SPTBN5: variants seen among roughly 807,000 people sequenced by gnomAD.
SPTBN5 encodes spectrin beta chain, non-erythrocytic 5.
SPTBN5 carries 513 observed loss-of-function variants against 477.6 expected under a neutral mutation model. The ratio of observed to expected loss-of-function variants is 1.07; its 90% confidence interval spans 1.00 to 1.16. The LOEUF is 1.16. SPTBN5 is among the 50% of genes most tolerant of loss of function. The pLI, the probability that SPTBN5 is intolerant of heterozygous loss-of-function variation, is 0.00. For synonymous variants in SPTBN5, 2,169 were observed against 2,011.7 expected, an observed-to-expected ratio of 1.08 and a Z score of -2.09; for missense variants, 5,062 against 4,731.8, an observed-to-expected ratio of 1.07 and a Z score of -2.05.
chr15:41,866,210 G>T lies in SPTBN5; in HGVS notation c.6650C>A (p.Ala2217Glu). Reference protein sequence around the residue: ...SVAKKGEALLAQSHPRAGEVS... With the variant: ...SVAKKGEALLEQSHPRAGEVS... ...CTCTCCGGCTCGAGGGTGACTCTGTGCCAGGAGAGCCTCTCCCTTCTGGAG... is the reference window on the plus strand; with the variant it reads ...CTCTCCGGCTCGAGGGTGACTCTGTTCCAGGAGAGCCTCTCCCTTCTGGAG... The change falls in exon 38 of 68, where the codon GCA (alanine) becomes GAA (glutamate). Residue 2217 changes from alanine (A) to glutamate (E), a missense_variant. Coordinates refer to ENST00000320955, the MANE Select transcript of SPTBN5 (RefSeq NM_016642.4). The T allele has an allele frequency of 1.3e-6, 2 of 1,589,472 alleles. No homozygotes were observed. Among genetic ancestry groups the T allele is most frequent in the Non-Finnish European group, 1.7e-6 (2 of 1,170,560 alleles).
intron 58 of SPTBN5, 67 bp downstream of exon 58, chr15:41,853,515 C>T: frequency 6.5e-7 from 1 of 1,537,134 alleles, no homozygotes; most frequent in Non-Finnish European, 8.8e-7. Context: ...GTCCAGCTCC[C>T]CCAAGAGCCA....
At chr15:41,857,538 C>T (rs1213541239) in intron 50 of SPTBN5, 35 bp downstream of exon 50, 1 of 1,603,834 alleles carries the variant, frequency 6.2e-7, no homozygotes, top group South Asian at 1.1e-5. Context: ...TGTCCTGGAG[C>T]CCGGCCAGCC....
Position 41,866,055 on chromosome 15 carries a change from CCTCTGCAAGGTCCACT to C in SPTBN5, c.6789_6804del (p.Val2264ProfsTer8). ...GGCTACACCTTCTCCTGGATCCAGG[CCTCTGCAAGGTCCACT>C]CTCTGCAGGAACTCCAGGAAGTTCC... On this transcript the variant is annotated frameshift_variant, in exon 38 of 68. Transcript: ENST00000320955. LOFTEE classifies it high-confidence loss of function. The C allele has an allele frequency of 2.6e-6, 4 of 1,555,046 alleles. No homozygotes were observed. The highest frequency in any genetic ancestry group is 3.5e-6 in the Non-Finnish European group (4 of 1,149,700).
intron 13 of SPTBN5, 128 bp downstream of exon 13, chr15:41,880,906 C>T (rs2066928007): frequency 1.2e-6 from 1 of 819,126 alleles, no homozygotes. Flanking sequence ...CTGACATCTT[C>T]TCAGCCATGA....
intron 41 of SPTBN5, among the ~76,000 whole-genome samples, chr15:41,863,348 TAC>T (rs1403275186): frequency 8.5e-5 from 13 of 152,194 alleles, no homozygotes; most frequent in Admixed American, 8.5e-4. Flanking sequence ...TGTGGTTATG[TAC>T]ACAGTCCCAG....
chr15:41,851,408 C>A (rs1175302384), intron 63 of SPTBN5, 39 bp from the exon 64 acceptor site: 1 of 1,462,358 alleles, frequency 6.8e-7, no homozygotes, highest in Non-Finnish European at 9.4e-7. Flanking sequence ...GAGCCACACG[C>A]AGGAAGCCAG....
At chr15:41,855,526 C>A (rs376447400) in intron 54 of SPTBN5, 23 bp downstream of exon 54, 1 of 1,604,314 alleles carries the variant, frequency 6.2e-7, no homozygotes, top group South Asian at 1.1e-5. Flanking sequence ...TGCTCCTTCG[C>A]GGATGGTGTG....
intron 15 of SPTBN5, 113 bp from the exon 16 acceptor site, chr15:41,879,612 C>A: frequency 6.4e-7 from 1 of 1,562,890 alleles, no homozygotes; most frequent in African/African-American, 1.3e-5. Context: ...TCCCTTGCCC[C>A]TTCCCTGTGC....
chr15:41,850,788 AGGGGCCCAGGAGCTT>A (rs1469476324), intron 66 of SPTBN5, 51 bp downstream of exon 66: 22 of 1,378,096 alleles, frequency 1.6e-5, no homozygotes, highest in Middle Eastern at 1.8e-4. Flanking sequence ...ATAAAACACT[AGGGGCCCAGGAGCTT>A]GGGGCCCAGG....
Position 41,852,175 on chromosome 15 carries a change from C to A in SPTBN5, c.10584+7G>T, listed in dbSNP as rs1182081285. ...GGGGGTGCCTGCAGCCCCATAGGGA[C>A]ACCTGCCTGGGGGTCCCTCGTCTCA... On this transcript the variant is annotated splice_region_variant and intron_variant, in intron 62 of 67. Coordinates refer to ENST00000320955, the MANE Select transcript of SPTBN5 (RefSeq NM_016642.4). The A allele has an allele frequency of 1.9e-6, 3 of 1,582,572 alleles. No individual in the cohort carries two copies. Among genetic ancestry groups the A allele is most frequent in the South Asian group, 2.3e-5 (2 of 88,200 alleles).
At chr15:41,867,425 T>C (rs8032462) in intron 35 of SPTBN5, 113 bp downstream of exon 35, 887,984 of 1,051,588 alleles carry the variant, frequency 0.84, 379,194 homozygotes, top group East Asian at 0.96. Context: ...ACCCCAGCCT[T>C]GCAGGCTCAT....
Position 41,886,292 on chromosome 15 carries a change from C to T in SPTBN5, c.963G>A (p.Trp321Ter). The T allele has an allele frequency of 1.9e-6, 3 of 1,613,370 alleles. No homozygotes were observed. Among genetic ancestry groups the T allele is most frequent in the Non-Finnish European group, 2.5e-6 (3 of 1,179,880 alleles). Reference sequence around the variant, plus strand: ...CCAGCTGCATCTGCTTCTCTGCAATCCAGCGTAGAAGGTCAGCCACCAGCT... The same window carrying T: ...CCAGCTGCATCTGCTTCTCTGCAATTCAGCGTAGAAGGTCAGCCACCAGCT... The part of the protein sequence containing the change: ...YEQLVADLLR[W>*]IAEKQMQLEA... The change falls in exon 7 of 68, where the codon TGG becomes TGA. Residue 321 changes from tryptophan to a stop codon, truncating the protein, a stop_gained. Coordinates refer to ENST00000320955, the MANE Select transcript of SPTBN5 (RefSeq NM_016642.4). LOFTEE classifies it high-confidence loss of function.
At chr15:41,859,108 T>C (rs1224802552) in intron 47 of SPTBN5, 128 bp from the exon 48 acceptor site, 6 of 652,570 alleles carry the variant, frequency 9.2e-6, no homozygotes, top group Non-Finnish European at 1.5e-5. Context: ...AAAGGTACAT[T>C]GCACTCCCCC....
chr15:41,868,717 G>A, intron 32 of SPTBN5, 116 bp from the exon 33 acceptor site: 1 of 989,024 alleles, frequency 1.0e-6, no homozygotes, highest in Non-Finnish European at 1.5e-6. Flanking sequence ...GAGCCGACCT[G>A]GGTCAGGGCC....
chr15:41,854,732 T>G, intron 56 of SPTBN5, 50 bp downstream of exon 56: 1 of 1,441,396 alleles, frequency 6.9e-7, no homozygotes. Context: ...TAGAGGGATT[T>G]TTTGAAGACT....
At position 41,860,685 on chromosome 15, in the gene SPTBN5, C is replaced by T; in HGVS notation, c.7889G>A (p.Gly2630Glu). The change falls in exon 47 of 68, where the codon GGA (glycine) becomes GAA (glutamate). Residue 2630 changes from glycine (G) to glutamate (E), a missense_variant. Transcript: ENST00000320955. The stretch of plus-strand genomic sequence containing the variant: ...CGTGGCCTCCAGAGCACTGATCTTT[C>T]CCGCCTGCACCTCCAGGTCCCACTC... ...MLEWDLEVQA[G>E]KISALEATAR... 5 of 1,591,066 alleles carry T rather than the reference C, an allele frequency of 3.1e-6. No individual in the cohort carries two copies. The highest frequency in any genetic ancestry group is 4.3e-6 in the Non-Finnish European group (5 of 1,169,552).
chr15:41,879,120 A>G, intron 16 of SPTBN5, 140 bp downstream of exon 16: 1 of 999,966 alleles, frequency 1.0e-6, no homozygotes, highest in Non-Finnish European at 1.4e-6. Flanking sequence ...TTTTCTCCTG[A>G]TCATCCCCCC....
chr15:41,892,486 T>C (rs975801044), intron 3 of SPTBN5, among the ~76,000 whole-genome samples: 2 of 152,184 alleles, frequency 1.3e-5, no homozygotes, highest in African/African-American at 4.8e-5. Context: ...CCACCTGCCG[T>C]CTTAGTCCCA....
intron 37 of SPTBN5, 49 bp downstream of exon 37, chr15:41,866,295 C>A: frequency 6.4e-7 from 1 of 1,572,374 alleles, no homozygotes; most frequent in Non-Finnish European, 8.6e-7. Context: ...TGACATTGCC[C>A]CTGGGCCACA....
Sources: allele counts gnomAD v4.1 joint callset (sites outside exome capture counted in the v4.1 genomes callset), GRCh38; gene constraint gnomAD v4.1.1; transcripts MANE v1.5; gene names NCBI Gene and HGNC (gene_info 2026-07-23, HGNC 2026-07-21).